Variants in PAM observed in about 807,000 individuals in gnomAD.
PAM encodes the protein peptidyl-glycine alpha-amidating monooxygenase.
PAM carries 72 observed loss-of-function variants against 122.1 expected under a neutral mutation model. The ratio of observed to expected loss-of-function variants is 0.59; its 90% CI spans 0.49 to 0.72. The LOEUF is 0.72. Among genes scored for constraint, PAM ranks in the 30% least tolerant of loss-of-function variants. PAM has a pLI of 0.00. For missense variants in PAM, 1,106 were observed against 1,183.7 expected (o/e 0.93, Z 0.96); for synonymous variants, 389 against 404.4 (o/e 0.96, Z 0.46).
At position 102,906,288 on chromosome 5, in the gene PAM, T is replaced by TC. The variant is rs554895311; in HGVS notation, c.268+4877dup. Among the ~76,000 whole-genome samples the TC allele has an allele frequency of 6.6e-3, 998 of 151,696 alleles. 8 individuals carry two copies. The highest frequency in any genetic ancestry group is 0.012 in the Non-Finnish European group (832 of 67,728). ...TCCTTCATTCCCCCAACCTACCACC[T>TC]CCTCCCAGCTAGCTATTTCAGCAGG... On this transcript the variant is annotated intron_variant, in intron 4 of 25. Coordinates refer to ENST00000438793, the MANE Select transcript of PAM (RefSeq NM_001177306.2).
At chr5:102,961,843 A>G (rs920207692) in intron 14 of PAM, among the ~76,000 whole-genome samples, 1 of 151,950 alleles carries the variant, frequency 6.6e-6, no homozygotes, top group Non-Finnish European at 1.5e-5. Flanking sequence ...GTACTAAAAA[A>G]TTACTTCCCT....
intron 12 of PAM, among the ~76,000 whole-genome samples, chr5:102,952,138 A>G (rs1759134044): frequency 6.6e-6 from 1 of 151,576 alleles, no homozygotes; most frequent in Non-Finnish European, 1.5e-5. Flanking sequence ...CTTTCAACAC[A>G]TTACCTGCAT....
At chr5:102,852,210 G>C (rs1781504707) in intron 1 of PAM, among the ~76,000 whole-genome samples, 1 of 152,130 alleles carries the variant, frequency 6.6e-6, no homozygotes, top group East Asian at 1.9e-4. Context: ...AAAATGGTCA[G>C]CTTCTTTTAA....
At chr5:102,754,815 T>G (rs539308723), upstream of PAM, 5 of 152,378 alleles carry the variant, frequency 3.3e-5, no homozygotes, top group Admixed American at 3.3e-4. Context: ...GCAGCTGGCG[T>G]GGCCACCTCG....
At position 102,961,201 on chromosome 5, in the gene PAM, A is replaced by G; in HGVS notation, c.1134A>G (p.Lys378=). The change falls in exon 14 of 26, where the codon AAA becomes AAG. Residue 378 remains lysine (K), a synonymous_variant. Coordinates refer to ENST00000438793, the MANE Select transcript of PAM (RefSeq NM_001177306.2). ...AGATTCCTTTACTACAGCAGCCAAA[A>G]CGAGAAGAAGAAGAAGTGTTAGACC... ...KDKIPLLQQP[K]REEEEVLDQG... 6.3e-7 allele frequency: 1 copy of G among 1,579,882 alleles called. No individual in the cohort carries two copies. The highest frequency in any genetic ancestry group is 8.7e-7 in the Non-Finnish European group (1 of 1,149,472).
intron 5 of PAM, among the ~76,000 whole-genome samples, chr5:102,924,459 A>C (rs1015490154): frequency 2.0e-5 from 3 of 151,252 alleles, no homozygotes; most frequent in Non-Finnish European, 2.9e-5. Flanking sequence ...AAACAAAAAA[A>C]CTCTTAAAAG....
At chr5:102,768,179 T>A (rs1324850185) in intron 1 of PAM, among the ~76,000 whole-genome samples, 1 of 152,152 alleles carries the variant, frequency 6.6e-6, no homozygotes, top group African/African-American at 2.4e-5. Flanking sequence ...CCTAACCATG[T>A]CTTTTAAAAA....
intron 15 of PAM, among the ~76,000 whole-genome samples, chr5:102,984,141 AT>A (rs1460718184): frequency 6.6e-6 from 1 of 152,196 alleles, no homozygotes; most frequent in African/African-American, 2.4e-5. Flanking sequence ...CTGCAAAAAA[AT>A]CAAACCACAA....
intron 4 of PAM, among the ~76,000 whole-genome samples, chr5:102,909,113 A>T (rs1005450468): frequency 1.3e-5 from 2 of 151,762 alleles, no homozygotes; most frequent in Non-Finnish European, 2.9e-5. Context: ...CATACCTTTT[A>T]TATTATATTT....
intron 5 of PAM, among the ~76,000 whole-genome samples, chr5:102,918,354 A>G (rs1746187047): frequency 6.6e-6 from 1 of 152,142 alleles, no homozygotes; most frequent in Admixed American, 6.6e-5. Flanking sequence ...AAAGCATGAC[A>G]ATTCTAAGTT....
chr5:102,999,998 T>C (rs1437693004), intron 16 of PAM, among the ~76,000 whole-genome samples: 1 of 152,244 alleles, frequency 6.6e-6, no homozygotes, highest in African/African-American at 2.4e-5. Context: ...CTTGAATATC[T>C]CCTCAGAAAA....
Position 102,918,151 on chromosome 5 carries a change from G to C in PAM, c.356+4130G>C, listed in dbSNP as rs184107378. 1.5e-3 allele frequency among the ~76,000 whole-genome samples: 232 copies of C among 152,214 alleles called. 1 individual carries two copies. Among genetic ancestry groups the C allele is most frequent in the Non-Finnish European group, 1.3e-4 (9 of 68,002 alleles). On this transcript the variant is annotated intron_variant, in intron 5 of 25. Transcript: ENST00000438793. ...AGGACCAGCTGATGGAAAAGAAGCAGCTCTGCTGACCCATGTAAAGAAAGT... is the reference window on the plus strand; with the variant it reads ...AGGACCAGCTGATGGAAAAGAAGCACCTCTGCTGACCCATGTAAAGAAAGT...
chr5:102,814,561 A>T lies in PAM; in HGVS notation c.-373-51262A>T, dbSNP rs148902584. On this transcript the variant is annotated intron_variant, in intron 1 of 25. Coordinates refer to ENST00000438793, the MANE Select transcript of PAM (RefSeq NM_001177306.2). The stretch of plus-strand genomic sequence containing the variant: ...TATATATTGATATATACATATATAT[A>T]GATATATACATATATTGATATATAC... Among the ~76,000 whole-genome samples the T allele has an allele frequency of 7.0e-3, 1,031 of 146,858 alleles. 25 individuals are homozygous for T. Among genetic ancestry groups the T allele is most frequent in the African/African-American group, 0.025 (963 of 39,264 alleles).
At chr5:102,966,891 T>C (rs774296220) in intron 14 of PAM, among the ~76,000 whole-genome samples, 11 of 152,070 alleles carry the variant, frequency 7.2e-5, no homozygotes, top group Non-Finnish European at 1.5e-4. Flanking sequence ...GTGTGGGAAA[T>C]GGGAATTTAT....
At chr5:102,869,010 T>C (rs922616507) in intron 3 of PAM, among the ~76,000 whole-genome samples, 2 of 152,198 alleles carry the variant, frequency 1.3e-5, no homozygotes, top group African/African-American at 2.4e-5. Flanking sequence ...AATAATTGCT[T>C]TTTATTTTGC....
chr5:102,831,754 T>C (rs535428532), intron 1 of PAM, among the ~76,000 whole-genome samples: 5 of 152,192 alleles, frequency 3.3e-5, no homozygotes, highest in Non-Finnish European at 7.4e-5. Context: ...GTATTCACTT[T>C]AACTAGAAAA....
chr5:102,882,096 T>TACACAC (rs1791416100), intron 3 of PAM, among the ~76,000 whole-genome samples: 4 of 105,630 alleles, frequency 3.8e-5, no homozygotes, highest in African/African-American at 1.6e-4. Context: ...TATATATATA[T>TACACAC]ATATATATAT....
intron 3 of PAM, among the ~76,000 whole-genome samples, chr5:102,889,625 T>C (rs1018963568): frequency 6.6e-6 from 1 of 151,962 alleles, no homozygotes; most frequent in African/African-American, 2.4e-5. Context: ...AAATTAATGC[T>C]TTCATTATAG....
chr5:102,945,111 C>G (rs994185452), intron 7 of PAM, among the ~76,000 whole-genome samples: 3 of 151,996 alleles, frequency 2.0e-5, no homozygotes, highest in Non-Finnish European at 2.9e-5. Flanking sequence ...TTCCTATGCT[C>G]TAAATAGAGT....
Sources: allele counts gnomAD v4.1 joint callset (sites outside exome capture counted in the v4.1 genomes callset), GRCh38; gene constraint gnomAD v4.1.1; transcripts MANE v1.5; gene names NCBI Gene and HGNC (gene_info 2026-07-23, HGNC 2026-07-21).